The following KCNQ3 variants were observed in gnomAD, a reference collection of about 807,000 sequenced individuals.
The protein encoded by KCNQ3 is potassium voltage-gated channel subfamily Q member 3.
KCNQ3 carries 30 observed loss-of-function variants against 92.5 expected under a neutral mutation model. The observed-to-expected ratio is 0.32, with a 90% confidence interval of 0.24 to 0.44. The LOEUF (loss-of-function observed/expected upper bound fraction) is 0.44. Among genes scored for constraint, KCNQ3 ranks in the 20% least tolerant of loss-of-function variants. The pLI is 1.00. For synonymous variants in KCNQ3, 450 were observed against 468.8 expected, an observed-to-expected ratio of 0.96 and a Z score of 0.52; for missense variants, 913 against 1,140.3, an observed-to-expected ratio of 0.80 and a Z score of 2.87.
chr8:132,461,016 T>C (rs1458391437), intron 1 of KCNQ3, among the ~76,000 whole-genome samples: 1 of 152,262 alleles, frequency 6.6e-6, no homozygotes, highest in African/African-American at 2.4e-5. Flanking sequence ...ACTGTAGCTT[T>C]TGTCATTTAG....
chr8:132,150,956 C>T (rs1825618647), intron 9 of KCNQ3, among the ~76,000 whole-genome samples: 1 of 140,516 alleles, frequency 7.1e-6, no homozygotes, highest in Non-Finnish European at 1.5e-5. Flanking sequence ...TGGCTTTAAT[C>T]GTTGAAAAAT....
At chr8:132,208,467 T>C (rs540403351) in intron 1 of KCNQ3, among the ~76,000 whole-genome samples, 1 of 152,238 alleles carries the variant, frequency 6.6e-6, no homozygotes, top group East Asian at 1.9e-4. Flanking sequence ...GTGAGCCACA[T>C]CCGCTTCAGT....
At chr8:132,186,254 G>T (rs1417821509) in intron 1 of KCNQ3, 73 bp from the exon 2 acceptor site, 3 of 1,067,372 alleles carry the variant, frequency 2.8e-6, no homozygotes, top group Non-Finnish European at 4.3e-6. Context: ...ATGGGGAAAG[G>T]TGTCTTCCAG....
chr8:132,222,829 T>C (rs1814280614), intron 1 of KCNQ3, among the ~76,000 whole-genome samples: 1 of 152,232 alleles, frequency 6.6e-6, no homozygotes, highest in Non-Finnish European at 1.5e-5. Flanking sequence ...ATGTGCTTAA[T>C]GTGGATTTGA....
At chr8:132,302,630 C>T (rs577760358) in intron 1 of KCNQ3, among the ~76,000 whole-genome samples, 2 of 152,286 alleles carry the variant, frequency 1.3e-5, no homozygotes, top group South Asian at 2.1e-4. Flanking sequence ...GTTCCTTCTC[C>T]TGAAAGGGTT....
At chr8:132,285,982 G>A (rs1816668558) in intron 1 of KCNQ3, among the ~76,000 whole-genome samples, 1 of 152,184 alleles carries the variant, frequency 6.6e-6, no homozygotes, top group South Asian at 2.1e-4. Flanking sequence ...CCTTGGTAGT[G>A]CCCATGTGGT....
intron 1 of KCNQ3, among the ~76,000 whole-genome samples, chr8:132,392,522 C>T (rs550425870): frequency 1.4e-4 from 21 of 151,118 alleles, no homozygotes; most frequent in Non-Finnish European, 2.7e-4. Flanking sequence ...CTGGCTCACT[C>T]CTCTCTCTCT....
chr8:132,189,458 T>C (rs1258898078), intron 1 of KCNQ3, among the ~76,000 whole-genome samples: 3 of 152,214 alleles, frequency 2.0e-5, no homozygotes, highest in Admixed American at 1.3e-4. Context: ...GCCTGGAGAA[T>C]ACTTTATTGA....
At position 132,480,845 on chromosome 8, in the gene KCNQ3, G is replaced by T. The variant is rs1822546788; in HGVS notation, c.-313C>A. 1.8e-4 allele frequency: 28 copies of T among 158,602 alleles called. No individual in the cohort carries two copies. The South Asian group carries it at 4.7e-3, about 27-fold the overall frequency. 9.8% of individuals were successfully genotyped at this position (158,602 alleles called of 1,614,324 possible). ...CTGGCGCGGAGGCGCTAGGGCGCGC[G>T]GCGGCGGGAGCCTGGAACCGGCGCT... On this transcript the variant is annotated 5_prime_UTR_variant, in exon 1 of 15. Transcript: ENST00000388996.
At chr8:132,467,769 C>T (rs763604409) in intron 1 of KCNQ3, among the ~76,000 whole-genome samples, 78 of 152,266 alleles carry the variant, frequency 5.1e-4, no homozygotes, top group Admixed American at 3.1e-3. Context: ...GTGAAAGACC[C>T]CATCAAGCAA....
chr8:132,199,589 C>T (rs954188797), intron 1 of KCNQ3, among the ~76,000 whole-genome samples: 4 of 152,270 alleles, frequency 2.6e-5, no homozygotes, highest in Admixed American at 1.3e-4. Flanking sequence ...GTGGGATAAT[C>T]AAATGGACTT....
At chr8:132,314,883 G>A (rs758671466) in intron 1 of KCNQ3, among the ~76,000 whole-genome samples, 6 of 152,106 alleles carry the variant, frequency 3.9e-5, no homozygotes, top group Non-Finnish European at 7.4e-5. Flanking sequence ...CACAATAGGC[G>A]GGAAAAAATA....
chr8:132,342,155 A>G (rs778007568), intron 1 of KCNQ3, among the ~76,000 whole-genome samples: 1 of 151,822 alleles, frequency 6.6e-6, no homozygotes, highest in East Asian at 1.9e-4. Flanking sequence ...ATCTCTTACC[A>G]TCTCTCTAAC....
chr8:132,335,959 T>C (rs1262004421), intron 1 of KCNQ3, among the ~76,000 whole-genome samples: 1 of 152,194 alleles, frequency 6.6e-6, no homozygotes, highest in Non-Finnish European at 1.5e-5. Context: ...AGCCTTTTCT[T>C]CCTTCCCTCT....
At chr8:132,398,296 T>C (rs777555943) in intron 1 of KCNQ3, among the ~76,000 whole-genome samples, 45 of 152,184 alleles carry the variant, frequency 3.0e-4, no homozygotes, top group Non-Finnish European at 4.6e-4. Flanking sequence ...TTTTTCTGTG[T>C]GATATAGTCT....
intron 1 of KCNQ3, among the ~76,000 whole-genome samples, chr8:132,361,581 C>T (rs1303220028): frequency 6.6e-6 from 1 of 151,626 alleles, no homozygotes; most frequent in Non-Finnish European, 1.5e-5. Context: ...AGGATCTAAA[C>T]AGAACACTCA....
intron 1 of KCNQ3, among the ~76,000 whole-genome samples, chr8:132,383,249 G>A (rs746332034): frequency 3.3e-5 from 5 of 152,184 alleles, no homozygotes; most frequent in Admixed American, 6.5e-5. Context: ...GAATGCCTCC[G>A]GCTGCTCCTG....
Position 132,184,359 on chromosome 8 carries a change from A to C in KCNQ3, c.486T>G (p.Phe162Leu). 1 of 1,614,100 alleles carries C rather than the reference A, an allele frequency of 6.2e-7. No homozygotes were observed. Among genetic ancestry groups the C allele is most frequent in the Non-Finnish European group, 8.5e-7 (1 of 1,180,018 alleles). ...SGDWLLLLET[F>L]AIFIFGAEFA... ...ACTCGGCTCCAAAGATGAAAATAGC[A>C]AATGTCTCCTGCATGGAAGAGCATA... The change falls in exon 3 of 15, where the codon TTT becomes TTG. Residue 162 changes from phenylalanine to leucine, a missense_variant. Physicochemically the swap from Phe to Leu is conservative, Grantham distance 22. This residue lies in a region of KCNQ3 where 100 missense variants were observed against 217.6 expected (regional missense o/e 0.46). Transcript: ENST00000388996.
chr8:132,273,406 A>G (rs1442052901), intron 1 of KCNQ3, among the ~76,000 whole-genome samples: 1 of 152,156 alleles, frequency 6.6e-6, no homozygotes, highest in East Asian at 1.9e-4. Flanking sequence ...AATGCAGGGC[A>G]CCAAGTCCTT....
Sources: allele counts gnomAD v4.1 joint callset (sites outside exome capture counted in the v4.1 genomes callset), GRCh38; gene constraint gnomAD v4.1.1; regional missense constraint gnomAD v4.1.1; transcripts MANE v1.5; gene names NCBI Gene and HGNC (gene_info 2026-07-23, HGNC 2026-07-21).